The following EYA2 variants were observed in gnomAD, a reference collection of about 807,000 sequenced individuals.
EYA2 encodes protein phosphatase EYA2.
EYA2 carries 31 observed loss-of-function variants against 69.2 expected under a neutral mutation model. The ratio of observed to expected loss-of-function variants is 0.45; its 90% confidence interval spans 0.34 to 0.60. The LOEUF is 0.60. Ranked by LOEUF, EYA2 falls within the 20% of genes least tolerant of loss-of-function variation. The pLI is 0.02. For synonymous variants in EYA2, 257 were observed against 279.4 expected, an observed-to-expected ratio of 0.92 and a Z score of 0.80; for missense variants, 622 against 701.2, an observed-to-expected ratio of 0.89 and a Z score of 1.28.
chr20:46,980,271 C>T (rs1032041354), intron 1 of EYA2, among the ~76,000 whole-genome samples: 1 of 152,190 alleles, frequency 6.6e-6, no homozygotes, highest in African/African-American at 2.4e-5. Flanking sequence ...CGTAAATGCT[C>T]TGTAACTGTG....
At chr20:46,931,201 G>A (rs1378370908) in intron 1 of EYA2, among the ~76,000 whole-genome samples, 1 of 152,210 alleles carries the variant, frequency 6.6e-6, no homozygotes, top group Non-Finnish European at 1.5e-5. Context: ...ATTGTCAGTA[G>A]CAGGGCTAAG....
intron 1 of EYA2, among the ~76,000 whole-genome samples, chr20:46,916,989 TAAG>T (rs1171549829): frequency 6.6e-6 from 1 of 152,174 alleles, no homozygotes; most frequent in African/African-American, 2.4e-5. Context: ...TCAGTTTATT[TAAG>T]GAGGAAAAAG....
chr20:47,039,890 G>C (rs1439933168), intron 5 of EYA2, among the ~76,000 whole-genome samples: 2 of 127,682 alleles, frequency 1.6e-5, no homozygotes, highest in Non-Finnish European at 3.1e-5. Context: ...ACCCAGGCTG[G>C]AGTGCAATGG....
chr20:47,138,749 CA>C (rs199541664), intron 9 of EYA2, among the ~76,000 whole-genome samples: 384 of 135,336 alleles, frequency 2.8e-3, no homozygotes, highest in Admixed American at 2.6e-3. Flanking sequence ...GACCCTGTCT[CA>C]AAAAAAAAAA....
At chr20:47,119,230 G>A (rs2032983070) in intron 9 of EYA2, among the ~76,000 whole-genome samples, 1 of 152,196 alleles carries the variant, frequency 6.6e-6, no homozygotes, top group African/African-American at 2.4e-5. Flanking sequence ...CTAAACGGCA[G>A]GAAGGTGTCA....
intron 10 of EYA2, among the ~76,000 whole-genome samples, chr20:47,156,760 T>C (rs2033959949): frequency 1.3e-5 from 2 of 151,706 alleles, no homozygotes; most frequent in African/African-American, 4.8e-5. Flanking sequence ...TCCCAGGGAG[T>C]AGACTCCTCT....
In EYA2 at chr20:46,927,245, T is replaced by C. The variant is rs138056724; in HGVS notation, c.-11+32258T>C. Among the ~76,000 whole-genome samples, 12 of 152,290 alleles carry C rather than the reference T, an allele frequency of 7.9e-5. 1 individual carries two copies. The East Asian group carries it at 2.3e-3, about 29-fold the overall frequency. ...TGCCCCTTCCCTCAGTCAGGAAAAT[T>C]ACCCAGGTCACCTCTGGTGAGCAGA... On this transcript the variant is annotated intron_variant, in intron 1 of 15. Coordinates refer to ENST00000327619, the MANE Select transcript of EYA2 (RefSeq NM_005244.5).
At chr20:47,108,576 A>T (rs2032657016) in intron 9 of EYA2, among the ~76,000 whole-genome samples, 1 of 151,886 alleles carries the variant, frequency 6.6e-6, no homozygotes, top group Non-Finnish European at 1.5e-5. Flanking sequence ...TTTATTTTTT[A>T]TTTATTTATT....
intron 1 of EYA2, among the ~76,000 whole-genome samples, chr20:46,904,863 C>G (rs1984279671): frequency 1.3e-5 from 2 of 152,088 alleles, no homozygotes; most frequent in African/African-American, 4.8e-5. Context: ...AATGGGGAGC[C>G]CAAATTCCTA....
intron 9 of EYA2, among the ~76,000 whole-genome samples, chr20:47,123,389 A>T (rs2146562556): frequency 6.6e-6 from 1 of 152,272 alleles, no homozygotes; most frequent in South Asian, 2.1e-4. Context: ...AGATATAACC[A>T]GGTCCACGCA....
chr20:47,155,706 G>C (rs1360475898), intron 10 of EYA2, among the ~76,000 whole-genome samples: 1 of 151,850 alleles, frequency 6.6e-6, no homozygotes, highest in African/African-American at 2.4e-5. Flanking sequence ...TTACAGATGA[G>C]GAAACTGAGG....
chr20:47,077,687 TAAATA>T (rs1164259579), intron 7 of EYA2, among the ~76,000 whole-genome samples: 2 of 152,374 alleles, frequency 1.3e-5, no homozygotes, highest in African/African-American at 4.8e-5. Context: ...CAAAGCATGT[TAAATA>T]AAGTCAACTT....
In EYA2 at chr20:47,188,109, C is replaced by G; in HGVS notation, c.1593C>G (p.His531Gln). The G allele has an allele frequency of 6.3e-7, 1 of 1,586,308 alleles. No individual in the cohort carries two copies. The highest frequency in any genetic ancestry group is 8.6e-7 in the Non-Finnish European group (1 of 1,166,320). The change falls in exon 16 of 16, where the codon CAC becomes CAG. Residue 531 changes from histidine to glutamine, a missense_variant. Transcript: ENST00000327619. ...SCHADLEALR[H>Q]ALELEYL ...ACGCAGACCTGGAGGCACTGAGGCA[C>G]GCCCTGGAGCTGGAGTATTTATAGC...
At chr20:46,911,386 G>T (rs1419440079) in intron 1 of EYA2, among the ~76,000 whole-genome samples, 1 of 152,194 alleles carries the variant, frequency 6.6e-6, no homozygotes, top group Non-Finnish European at 1.5e-5. Context: ...GTTACCATAA[G>T]TGAGGAAAGC....
At chr20:47,126,552 T>C (rs1037288239) in intron 9 of EYA2, among the ~76,000 whole-genome samples, 1 of 152,142 alleles carries the variant, frequency 6.6e-6, no homozygotes, top group Admixed American at 6.5e-5. Context: ...CACCTCCCAC[T>C]CAGCTGGCGG....
intron 10 of EYA2, among the ~76,000 whole-genome samples, chr20:47,146,378 A>G (rs2033699353): frequency 1.3e-5 from 2 of 152,168 alleles, no homozygotes; most frequent in African/African-American, 2.4e-5. Context: ...GTGTATTTCA[A>G]GCTGATGTCT....
At chr20:47,010,362 G>T (rs1982981888) in intron 4 of EYA2, among the ~76,000 whole-genome samples, 1 of 6,632 alleles carries the variant, frequency 1.5e-4, no homozygotes, top group African/African-American at 2.2e-3. Flanking sequence ...TGCCTAGATG[G>T]CACCAGTGGG....
intron 1 of EYA2, among the ~76,000 whole-genome samples, chr20:46,941,056 C>T (rs986389522): frequency 3.3e-5 from 5 of 152,218 alleles, no homozygotes; most frequent in Non-Finnish European, 5.9e-5. Flanking sequence ...TCCCAGAGCC[C>T]GAGCCTGCTG....
At chr20:47,156,085 T>TACACACACACACACACAC in intron 10 of EYA2, among the ~76,000 whole-genome samples, 1 of 28,790 alleles carries the variant, frequency 3.5e-5, no homozygotes, top group South Asian at 1.1e-3. Flanking sequence ...CACATATATA[T>TACACACACACACACACAC]ACATACACAC....
Sources: allele counts gnomAD v4.1 joint callset (sites outside exome capture counted in the v4.1 genomes callset), GRCh38; gene constraint gnomAD v4.1.1; transcripts MANE v1.5; gene names NCBI Gene and HGNC (gene_info 2026-07-23, HGNC 2026-07-21).